RAB11FIP5: variants seen among roughly 807,000 people sequenced by gnomAD.
RAB11FIP5 encodes the protein rab11 family-interacting protein 5.
A neutral mutation model predicts 85.1 loss-of-function variants in RAB11FIP5; 48 were observed. That is an observed-to-expected ratio of 0.56 (90% CI 0.45 to 0.72). The LOEUF is 0.72. Ranked by LOEUF, RAB11FIP5 falls within the 30% of genes least tolerant of loss-of-function variation. The pLI is 0.00. For missense variants in RAB11FIP5, 1,491 were observed against 1,687.0 expected (o/e 0.88, Z 2.04); for synonymous variants, 729 against 727.3 (o/e 1.00, Z -0.04).
intron 1 of RAB11FIP5, among the ~76,000 whole-genome samples, chr2:73,107,925 T>G (rs1350754967): frequency 6.6e-6 from 1 of 152,176 alleles, no homozygotes; most frequent in Non-Finnish European, 1.5e-5. Flanking sequence ...ACGCACCATC[T>G]GCCCACCAAC....
chr2:73,088,613 CGAA>C lies in RAB11FIP5; in HGVS notation c.1002_1004del (p.Ser335del). 6.2e-7 allele frequency: 1 copy of C among 1,613,446 alleles called. No individual in the cohort carries two copies. The highest frequency in any genetic ancestry group is 8.5e-7 in the Non-Finnish European group (1 of 1,180,020). On this transcript the variant is annotated inframe_deletion, in exon 3 of 6. Transcript: ENST00000486777. ...AAATGTGGCTCCCATTGACACAGAGCGAAGAGCGGGAGGCAGCATCCAGGTGGC... is the reference window on the plus strand; with the variant it reads ...AAATGTGGCTCCCATTGACACAGAGCGAGCGGGAGGCAGCATCCAGGTGGC...
rs917627386 is a variant in RAB11FIP5 at position 73,081,060 on chromosome 2, A to T, written c.2172T>A (p.Val724=). Residue 724 remains valine (V), a synonymous_variant, in exon 4 of 6, where the codon GTT becomes GTA. Transcript: ENST00000486777. The surrounding 1 kb of genome is among the most constrained non-coding windows in gnomAD (Gnocchi z 4.2). ...GGTGGTTCGGTCCCAAGTCCAGAGG[A>T]ACCCTGGGCTCCAGCCACACGCTGC... is the stretch of plus-strand genomic sequence containing the variant. ...GGSSVWLEPR[V]PLDLGPNHQS... 1 of 1,232,738 alleles carries T rather than the reference A, an allele frequency of 8.1e-7. No homozygotes were observed. Among genetic ancestry groups the T allele is most frequent in the Non-Finnish European group, 1.0e-6 (1 of 988,642 alleles). 76.4% of individuals were successfully genotyped at this position (1,232,738 alleles called of 1,614,324 possible). A position where few individuals can be genotyped will look rare whatever the true frequency, so the allele number is the denominator to read the frequency against.
intron 4 of RAB11FIP5, 107 bp downstream of exon 4, chr2:73,079,544 G>T: frequency 1.7e-6 from 2 of 1,204,326 alleles, no homozygotes; most frequent in South Asian, 8.6e-5. Flanking sequence ...ACCCTCACCT[G>T]CCCCACAAAG....
chr2:73,088,901 G>A lies in RAB11FIP5; in HGVS notation c.846C>T (p.Ser282=), dbSNP rs747541996. The change falls in exon 2 of 6, where the codon AGC becomes AGT. Residue 282 remains serine, a synonymous_variant. Transcript: ENST00000486777. ...AELLTRSPSR[S]SWLSTEGGRD... ...CACCCCCTTCAGTGGACAGCCAGCT[G>A]CTACGGCTTGGTGAGCGGGTGAGGA... 11 of 1,584,286 alleles carry A rather than the reference G, an allele frequency of 6.9e-6. No individual in the cohort carries two copies. Among genetic ancestry groups the A allele is most frequent in the African/African-American group, 1.3e-5 (1 of 74,244 alleles).
chr2:73,088,822 A>C (rs1574297626), intron 2 of RAB11FIP5, 57 bp downstream of exon 2: 1 of 1,530,472 alleles, frequency 6.5e-7, no homozygotes, highest in Middle Eastern at 1.8e-4. Context: ...CTTCATCACC[A>C]CCCAAGGGGA....
In RAB11FIP5 at chr2:73,075,619, G is replaced by A. The variant is rs1683841515; in HGVS notation, c.3877C>T (p.His1293Tyr). The change falls in exon 6 of 6, where the codon CAT becomes TAT. Residue 1293 changes from histidine (H) to tyrosine (Y), a missense_variant. This residue lies in a region of RAB11FIP5 where 232 missense variants were observed against 259.1 expected (regional missense o/e 0.90). Transcript: ENST00000486777. The surrounding 1 kb of genome is among the most constrained non-coding windows in gnomAD (Gnocchi z 4.6). ...RERELSQRDE[H>Y]VQELESYIDR... ...ATGTAGCTCTCCAGCTCCTGCACAT[G>A]CTCGTCCCGCTGGCTCAGCTCCCGC... 5 of 1,614,102 alleles carry A rather than the reference G, an allele frequency of 3.1e-6. No homozygotes were observed. The East Asian group carries it at 1.1e-4, about 36-fold the overall frequency.
intron 1 of RAB11FIP5, among the ~76,000 whole-genome samples, chr2:73,096,093 C>T (rs758807172): frequency 6.6e-6 from 1 of 152,238 alleles, no homozygotes; most frequent in Non-Finnish European, 1.5e-5. Flanking sequence ...ACAAAGTTCA[C>T]CAGGCCCCGT....
chr2:73,096,341 G>T (rs879308624), intron 1 of RAB11FIP5, among the ~76,000 whole-genome samples: 14 of 152,186 alleles, frequency 9.2e-5, no homozygotes, highest in Non-Finnish European at 1.6e-4. Context: ...GCACTCAGGG[G>T]AGAGCTGACC....
rs1349982100 is a variant in RAB11FIP5, at chr2:73,088,945, G to C, written c.802C>G (p.Gln268Glu). ...LSSASGSLAY[Q>E]GPGAELLTRS... ...GTGAGGAGTTCGGCGCCAGGTCCCT[G>C]GTAGGCCAAGCTCCCGCTGGCTGAG... is the stretch of plus-strand genomic sequence containing the variant. Residue 268 changes from glutamine (Q) to glutamate (E), a missense_variant, in exon 2 of 6, where the codon CAG (glutamine) becomes GAG (glutamate). Transcript: ENST00000486777. 1 of 1,611,208 alleles carries C rather than the reference G, an allele frequency of 6.2e-7. No homozygotes were observed. Among genetic ancestry groups the C allele is most frequent in the African/African-American group, 1.3e-5 (1 of 75,022 alleles).
At position 73,075,710 on chromosome 2, in the gene RAB11FIP5, C is replaced by T. The variant is rs1368775006; in HGVS notation, c.3786G>A (p.Leu1262=). ...DTKRLKDSAV[L]DQSAKYYHLT... ...GGTGGTAGTACTTGGCCGACTGGTCCAGCACAGCTGAGTCCTGAGGCCGGA... is the reference window on the plus strand; with the variant it reads ...GGTGGTAGTACTTGGCCGACTGGTCTAGCACAGCTGAGTCCTGAGGCCGGA... Residue 1262 remains leucine, a synonymous_variant, in exon 6 of 6, where the codon CTG becomes CTA. Coordinates refer to ENST00000486777, the MANE Select transcript of RAB11FIP5 (RefSeq NM_001371272.1). This position sits in a 1 kb window ranked among gnomAD's most constrained non-coding sequence, Gnocchi z 4.6. 2 of 1,607,362 alleles carry T rather than the reference C, an allele frequency of 1.2e-6. No individual in the cohort carries two copies. Among genetic ancestry groups the T allele is most frequent in the South Asian group, 2.2e-5 (2 of 90,106 alleles).
Position 73,112,816 on chromosome 2 carries a change from C to T in RAB11FIP5, c.-39G>A. ...GGGGCGAGGTCTGGCCGAGCCGGTGCAGACCCCAGGACCTGGTGACAAACC... is the reference window on the plus strand; with the variant it reads ...GGGGCGAGGTCTGGCCGAGCCGGTGTAGACCCCAGGACCTGGTGACAAACC... On this transcript the variant is annotated 5_prime_UTR_variant, in exon 1 of 6. Coordinates refer to ENST00000486777, the MANE Select transcript of RAB11FIP5 (RefSeq NM_001371272.1). 1 of 1,397,014 alleles carries T rather than the reference C, an allele frequency of 7.2e-7. No individual in the cohort carries two copies. Among genetic ancestry groups the T allele is most frequent in the South Asian group, 1.6e-5 (1 of 61,736 alleles). 86.5% of individuals were successfully genotyped at this position (1,397,014 alleles called of 1,614,324 possible).
Position 73,081,269 on chromosome 2 carries a change from A to G in RAB11FIP5, c.1963T>C (p.Phe655Leu). 8.1e-7 allele frequency: 1 copy of G among 1,232,320 alleles called. No individual in the cohort carries two copies. Among genetic ancestry groups the G allele is most frequent in the Non-Finnish European group, 1.0e-6 (1 of 988,140 alleles). 76.3% of individuals were successfully genotyped at this position (1,232,320 alleles called of 1,614,324 possible). A position where few individuals can be genotyped will look rare whatever the true frequency, so the allele number is the denominator to read the frequency against. ...TCTGGACGCAGCCTGCTGGCAGCAA[A>G]GACGTTGAAGGTGTTGTCCCACTCA... The part of the protein sequence containing the change: ...LPEWDNTFNV[F>L]AASRLRPEAR... Residue 655 changes from phenylalanine (F) to leucine (L), a missense_variant, in exon 4 of 6, where the codon TTT (phenylalanine) becomes CTT (leucine). Around this residue, in one of 3 missense-constraint regions of RAB11FIP5, gnomAD observed 1,211 missense variants for 1,338.0 expected, o/e 0.91. Coordinates refer to ENST00000486777, the MANE Select transcript of RAB11FIP5 (RefSeq NM_001371272.1). This position sits in a 1 kb window ranked among gnomAD's most constrained non-coding sequence, Gnocchi z 4.2.
At chr2:73,101,620 C>T (rs983498581) in intron 1 of RAB11FIP5, among the ~76,000 whole-genome samples, 14 of 152,118 alleles carry the variant, frequency 9.2e-5, no homozygotes, top group Non-Finnish European at 1.6e-4. Flanking sequence ...GAGGTCAGAG[C>T]GTGTCTTGGG....
At chr2:73,107,513 A>C (rs776738219) in intron 1 of RAB11FIP5, among the ~76,000 whole-genome samples, 10 of 152,144 alleles carry the variant, frequency 6.6e-5, no homozygotes, top group Non-Finnish European at 1.5e-4. Flanking sequence ...GGCTGACCAC[A>C]GGCCCCTTGA....
intron 1 of RAB11FIP5, among the ~76,000 whole-genome samples, chr2:73,092,613 T>C (rs1173151500): frequency 6.6e-6 from 1 of 152,152 alleles, no homozygotes; most frequent in East Asian, 1.9e-4. Context: ...AAGGACCTTT[T>C]GGGCCTCTCT....
chr2:73,111,293 C>T (rs1363225687), intron 1 of RAB11FIP5, among the ~76,000 whole-genome samples: 1 of 152,170 alleles, frequency 6.6e-6, no homozygotes, highest in Non-Finnish European at 1.5e-5. Flanking sequence ...TCCCCCTCCT[C>T]CAGCAAGCCT....
At chr2:73,085,468 G>A (rs1437338497) in intron 3 of RAB11FIP5, among the ~76,000 whole-genome samples, 4 of 152,232 alleles carry the variant, frequency 2.6e-5, no homozygotes, top group Non-Finnish European at 4.4e-5. Flanking sequence ...GGTTTAAAAT[G>A]CGTGGTCTTG....
Position 73,112,547 on chromosome 2 carries a change from C to A in RAB11FIP5, c.231G>T (p.Leu77=). The A allele has an allele frequency of 6.5e-7, 1 of 1,547,350 alleles. No homozygotes were observed. The highest frequency in any genetic ancestry group is 8.7e-7 in the Non-Finnish European group (1 of 1,149,358). The change falls in exon 1 of 6, where the codon CTG becomes CTT. Residue 77 remains leucine, a synonymous_variant. Coordinates refer to ENST00000486777, the MANE Select transcript of RAB11FIP5 (RefSeq NM_001371272.1). ...PEWREECSFE[L]PPGALDGLLR... The stretch of plus-strand genomic sequence containing the variant: ...GCAGGCCATCCAGGGCCCCCGGCGG[C>A]AGCTCGAAGGAGCACTCCTCACGCC...
Position 73,080,744 on chromosome 2 carries a change from C to A in RAB11FIP5, c.2488G>T (p.Asp830Tyr). ...NQLCPDVETADDAWPWDVVTI... is the reference protein window; with the variant it reads ...NQLCPDVETAYDAWPWDVVTI... ...ACCACATCCCAAGGCCAGGCATCAT[C>A]AGCTGTCTCGACGTCAGGGCAAAGC... The change falls in exon 4 of 6, where the codon GAT becomes TAT. Residue 830 changes from aspartate (D) to tyrosine (Y), a missense_variant. Asp to Tyr is a radical substitution (Grantham distance 160). Around this residue, in one of 3 missense-constraint regions of RAB11FIP5, gnomAD observed 1,211 missense variants for 1,338.0 expected, o/e 0.91. Coordinates refer to ENST00000486777, the MANE Select transcript of RAB11FIP5 (RefSeq NM_001371272.1). 8.1e-7 allele frequency: 1 copy of A among 1,232,600 alleles called. No homozygotes were observed. Among genetic ancestry groups the A allele is most frequent in the Non-Finnish European group, 1.0e-6 (1 of 988,104 alleles). 76.4% of individuals were successfully genotyped at this position (1,232,600 alleles called of 1,614,324 possible). A position where few individuals can be genotyped will look rare whatever the true frequency, so the allele number is the denominator to read the frequency against.
Sources: gnomAD v4.1 joint callset for allele counts (sites outside exome capture counted in the v4.1 genomes callset) on GRCh38, gnomAD v4.1.1 for gene constraint, gnomAD v4.1.1 regional missense constraint, Gnocchi (gnomAD v3.1) non-coding constraint, MANE v1.5 for transcripts, NCBI Gene and HGNC (gene_info 2026-07-23, HGNC 2026-07-21) for gene names.